Variants in PTPRS observed in about 807,000 individuals in gnomAD.
PTPRS encodes the protein protein tyrosine phosphatase receptor type S, also known as receptor-type tyrosine-protein phosphatase S.
PTPRS carries 63 observed loss-of-function variants against 215.3 expected under a neutral mutation model. That is an observed-to-expected ratio of 0.29 (90% CI 0.24 to 0.36). PTPRS has a LOEUF of 0.36. Ranked by LOEUF, PTPRS falls within the 10% of genes least tolerant of loss-of-function variation. The pLI is 1.00. For synonymous variants in PTPRS, 1,404 were observed against 1,191.4 expected (o/e 1.18, Z -3.68); for missense variants, 2,258 against 2,825.8 (o/e 0.80, Z 4.56).
chr19:5,296,861 C>T (rs1361198307), intron 1 of PTPRS, among the ~76,000 whole-genome samples: 1 of 152,106 alleles, frequency 6.6e-6, no homozygotes, highest in East Asian at 1.9e-4. Flanking sequence ...CAGGTACTCA[C>T]AGACATGCTC....
At chr19:5,274,618 ACACC>A (rs2047200538) in intron 2 of PTPRS, among the ~76,000 whole-genome samples, 1 of 42,834 alleles carries the variant, frequency 2.3e-5, no homozygotes, top group Non-Finnish European at 4.7e-5. Flanking sequence ...TCACCTGGGC[ACACC>A]TGCTCAGACA....
At chr19:5,218,880 T>C (rs901955410) in intron 23 of PTPRS, 82 bp from the exon 24 acceptor site, 6 of 1,416,198 alleles carry the variant, frequency 4.2e-6, no homozygotes, top group Admixed American at 4.1e-5. Flanking sequence ...GGGCTTGTTC[T>C]GTGACTCTCA....
rs3042434 is a variant in PTPRS, at chr19:5,287,964, G to GCACACACACACACA, written c.-94-1744_-94-1731dup. ...TCACACAGTCAGGCAGCAGAGACGG[G>GCACACACACACACA]CACACACACACACACACACACACAC... On this transcript the variant is annotated intron_variant, in intron 1 of 37. Transcript: ENST00000262963. This position sits in a 1 kb window ranked among gnomAD's most constrained non-coding sequence, Gnocchi z 4.8. Among the ~76,000 whole-genome samples, 1 of 133,364 alleles carries GCACACACACACACA rather than the reference G, an allele frequency of 7.5e-6. No individual in the cohort carries two copies. Among genetic ancestry groups the GCACACACACACACA allele is most frequent in the African/African-American group, 2.8e-5 (1 of 35,646 alleles). 87.5% of individuals were successfully genotyped at this position (133,364 alleles called of 152,430 possible).
At position 5,294,747 on chromosome 19, in the gene PTPRS, C is replaced by G. The variant is rs993411077; in HGVS notation, c.-94-8513G>C. ...AAAATGGAGCATGGAATCGCCCCGC[C>G]CCATCTCCAACAATAGGTGGCCTAG... On this transcript the variant is annotated intron_variant, in intron 1 of 37. Transcript: ENST00000262963. The surrounding 1 kb of genome is among the most constrained non-coding windows in gnomAD (Gnocchi z 5.1). The G allele has an allele frequency of 6.6e-6, 1 of 152,262 alleles. No individual in the cohort carries two copies. Among genetic ancestry groups the G allele is most frequent in the African/African-American group, 2.4e-5 (1 of 41,448 alleles). 9.4% of individuals were successfully genotyped at this position (152,262 alleles called of 1,614,324 possible). A position where few individuals can be genotyped will look rare whatever the true frequency, so the allele number is the denominator to read the frequency against.
intron 1 of PTPRS, among the ~76,000 whole-genome samples, chr19:5,301,166 T>C (rs994929473): frequency 6.6e-6 from 1 of 152,134 alleles, no homozygotes; most frequent in African/African-American, 2.4e-5. Context: ...CGGAGTCAGC[T>C]CTGCAGCGCC....
At chr19:5,306,284 A>G (rs1416938781) in intron 1 of PTPRS, among the ~76,000 whole-genome samples, 1 of 151,622 alleles carries the variant, frequency 6.6e-6, no homozygotes, top group African/African-American at 2.4e-5. Flanking sequence ...AGCTGGGATC[A>G]CAGGCGTGCG....
At chr19:5,250,619 G>GA (rs1432878796) in intron 9 of PTPRS, among the ~76,000 whole-genome samples, 1 of 149,234 alleles carries the variant, frequency 6.7e-6, no homozygotes, top group East Asian at 2.0e-4. Context: ...GGTCCCAGCG[G>GA]GGGGACCCGC....
intron 2 of PTPRS, among the ~76,000 whole-genome samples, chr19:5,283,437 C>T (rs2048044575): frequency 6.6e-6 from 1 of 152,104 alleles, no homozygotes. Flanking sequence ...ATTAGCAGGG[C>T]ATGGTGGCGG....
chr19:5,211,461 A>C lies in PTPRS; in HGVS notation c.5234+129T>G, dbSNP rs2040875758. On this transcript the variant is annotated intron_variant, in intron 33 of 37. Coordinates refer to ENST00000262963, the MANE Select transcript of PTPRS (RefSeq NM_002850.4). ...AGCCATCAGTTAAATATACATCTAAAGATGTGTATTTAAACAGCTCAGGGC... is the reference window on the plus strand; with the variant it reads ...AGCCATCAGTTAAATATACATCTAACGATGTGTATTTAAACAGCTCAGGGC... 3.4e-6 allele frequency: 3 copies of C among 887,576 alleles called. No homozygotes were observed. The South Asian group carries it at 6.0e-5, about 18-fold the overall frequency. 55.0% of individuals were successfully genotyped at this position (887,576 alleles called of 1,614,324 possible).
rs1181218364 is a variant in PTPRS, at chr19:5,321,546, GGCCTCAGT to G, written c.-95+19110_-95+19117del. ...ATCGACTACAGGGTCATTTTGTAGA[GGCCTCAGT>G]GCTGTAAGGAGTTTGGCTCGTGCCT... On this transcript the variant is annotated intron_variant, in intron 1 of 37. Coordinates refer to ENST00000262963, the MANE Select transcript of PTPRS (RefSeq NM_002850.4). Among the ~76,000 whole-genome samples the G allele has an allele frequency of 2.0e-5, 3 of 152,198 alleles. No homozygotes were observed. The East Asian group carries it at 5.8e-4, about 29-fold the overall frequency.
chr19:5,284,155 T>C (rs1186346991), intron 2 of PTPRS, among the ~76,000 whole-genome samples: 1 of 150,008 alleles, frequency 6.7e-6, no homozygotes, highest in African/African-American at 2.5e-5. Context: ...GGTCAGGAGA[T>C]TGAGACCACC....
chr19:5,231,213 C>A (rs546305398), intron 14 of PTPRS, 97 bp downstream of exon 14: 3 of 1,314,708 alleles, frequency 2.3e-6, no homozygotes, highest in African/African-American at 2.9e-5. Context: ...GAGGCTTCCG[C>A]CCTTTGACCA....
At chr19:5,229,447 C>G (rs759041886) in intron 15 of PTPRS, 44 bp downstream of exon 15, 22 of 1,378,488 alleles carry the variant, frequency 1.6e-5, no homozygotes, top group South Asian at 5.2e-5. Context: ...GGGCCCGTCC[C>G]CGCCCGGAGC....
At chr19:5,232,612 G>C (rs1259548835) in intron 13 of PTPRS, among the ~76,000 whole-genome samples, 1 of 150,100 alleles carries the variant, frequency 6.7e-6, no homozygotes, top group African/African-American at 2.5e-5. Flanking sequence ...AATGGCAACA[G>C]AAGCTCCATT....
At chr19:5,312,805 ATGAGGCAAC>A (rs1412111947) in intron 1 of PTPRS, among the ~76,000 whole-genome samples, 1 of 152,226 alleles carries the variant, frequency 6.6e-6, no homozygotes, top group Non-Finnish European at 1.5e-5. Flanking sequence ...CATTTTACAG[ATGAGGCAAC>A]TGAGCATCGG....
intron 18 of PTPRS, 78 bp from the exon 19 acceptor site, chr19:5,222,298 G>C: frequency 1.6e-6 from 2 of 1,235,810 alleles, no homozygotes; most frequent in Non-Finnish European, 2.4e-6. Context: ...GCGTGAAGCG[G>C]GGTGGGGTGG....
rs144834267 is a variant in PTPRS, at chr19:5,292,325, C to T, written c.-94-6091G>A. On this transcript the variant is annotated intron_variant, in intron 1 of 37. Transcript: ENST00000262963. The stretch of plus-strand genomic sequence containing the variant: ...CAGGCAATGGAGACCGAGACGGGGA[C>T]AGCCTCGCATCCACCCTAGGGGGTC... Among the ~76,000 whole-genome samples, 47 of 152,314 alleles carry T rather than the reference C, an allele frequency of 3.1e-4. No individual in the cohort carries two copies. In the East Asian group the frequency reaches 7.5e-3, roughly 24 times the overall value.
chr19:5,332,049 G>A (rs1162746344), intron 1 of PTPRS, among the ~76,000 whole-genome samples: 2 of 152,216 alleles, frequency 1.3e-5, no homozygotes, highest in South Asian at 4.1e-4. Flanking sequence ...GTTGGGGAAG[G>A]GGTCAAAGTC....
chr19:5,316,071 T>A (rs72985125), intron 1 of PTPRS, among the ~76,000 whole-genome samples: 16,084 of 151,326 alleles, frequency 0.11, 913 homozygotes, highest in African/African-American at 0.12. Context: ...GCACACACCA[T>A]CACACCTGGC....
Sources: allele counts gnomAD v4.1 joint callset (sites outside exome capture counted in the v4.1 genomes callset), GRCh38; gene constraint gnomAD v4.1.1; non-coding constraint Gnocchi (gnomAD v3.1); transcripts MANE v1.5; gene names NCBI Gene and HGNC (gene_info 2026-07-23, HGNC 2026-07-21).